SPICE1: variants seen among roughly 807,000 people sequenced by gnomAD.
SPICE1 encodes spindle and centriole associated protein 1.
SPICE1 carries 75 observed loss-of-function variants against 102.7 expected under a neutral mutation model. The observed-to-expected ratio is 0.73, with a 90% CI of 0.61 to 0.88. SPICE1 has a LOEUF of 0.88. Among genes scored for constraint, SPICE1 ranks in the 40% least tolerant of loss-of-function variants. The probability of loss-of-function intolerance (pLI) is 0.00; values close to 1 mark genes in which losing one functional copy is unlikely to be tolerated. For synonymous variants in SPICE1, 308 were observed against 350.3 expected, an observed-to-expected ratio of 0.88 and a Z score of 1.35; for missense variants, 979 against 1,020.1, an observed-to-expected ratio of 0.96 and a Z score of 0.55.
At chr3:113,496,135 ATTC>A (rs772286661) in intron 4 of SPICE1, among the ~76,000 whole-genome samples, 1 of 139,480 alleles carries the variant, frequency 7.2e-6, no homozygotes, top group African/African-American at 2.7e-5. Context: ...GCCCAAGACA[ATTC>A]TTCTTCTTCC....
At chr3:113,506,959 A>G (rs895566075) in intron 1 of SPICE1, among the ~76,000 whole-genome samples, 7 of 152,210 alleles carry the variant, frequency 4.6e-5, no homozygotes, top group African/African-American at 1.7e-4. Context: ...GCCCAGTCAC[A>G]AGCTAACAAT....
intron 1 of SPICE1, 87 bp downstream of exon 1, chr3:113,514,810 A>C: frequency 7.9e-7 from 1 of 1,263,900 alleles, no homozygotes; most frequent in Non-Finnish European, 1.0e-6. Context: ...CTCTGTGCAA[A>C]AGCTCCCGAA....
Position 113,491,948 on chromosome 3 carries a change from G to A in SPICE1, c.492+1258C>T, listed in dbSNP as rs544305123. 3.3e-5 allele frequency among the ~76,000 whole-genome samples: 5 copies of A among 152,298 alleles called. No individual in the cohort carries two copies. In the South Asian group the frequency reaches 1.0e-3, roughly 32 times the overall value. On this transcript the variant is annotated intron_variant, in intron 6 of 17. Coordinates refer to ENST00000295872, the MANE Select transcript of SPICE1 (RefSeq NM_144718.4). Reference sequence around the variant, plus strand: ...ATAAAATCTGACTGCTTTATTCCATGTTGCTGGGATACATCGTGTACTTGT... The same window carrying A: ...ATAAAATCTGACTGCTTTATTCCATATTGCTGGGATACATCGTGTACTTGT...
intron 1 of SPICE1, among the ~76,000 whole-genome samples, chr3:113,506,952 C>T (rs1055577445): frequency 6.6e-6 from 1 of 152,108 alleles, no homozygotes; most frequent in African/African-American, 2.4e-5. Context: ...GAAAATAGCC[C>T]AGTCACAAGC....
At chr3:113,485,182 T>G (rs1185545826) in intron 7 of SPICE1, among the ~76,000 whole-genome samples, 4 of 151,462 alleles carry the variant, frequency 2.6e-5, no homozygotes, top group African/African-American at 9.7e-5. Flanking sequence ...GTTTGTTTTT[T>G]TTTTTTTTTC....
At chr3:113,474,194 C>T (rs1323086336) in intron 7 of SPICE1, among the ~76,000 whole-genome samples, 2 of 151,564 alleles carry the variant, frequency 1.3e-5, no homozygotes, top group African/African-American at 4.9e-5. Context: ...CAAAGAAGGC[C>T]ATTACATAAT....
intron 12 of SPICE1, 123 bp from the exon 13 acceptor site, chr3:113,457,480 T>C (rs943911204): frequency 1.1e-6 from 1 of 924,126 alleles, no homozygotes; most frequent in Non-Finnish European, 1.6e-6. Context: ...ACATAGCTCC[T>C]GGAGCCTTCA....
chr3:113,468,515 C>T lies in SPICE1; in HGVS notation c.890-111G>A, dbSNP rs1020684123. ...ACAATTTATAAAAGGCTTGTATAGA[C>T]GATATCACCATTTCTCTCATAAAAA... On this transcript the variant is annotated intron_variant, in intron 9 of 17. Coordinates refer to ENST00000295872, the MANE Select transcript of SPICE1 (RefSeq NM_144718.4). 34 of 1,266,118 alleles carry T rather than the reference C, an allele frequency of 2.7e-5. No homozygotes were observed. In the Middle Eastern group the frequency reaches 9.2e-4, roughly 34 times the overall value. The allele number at this position is 1,266,118 out of a possible 1,614,324, so 78.4% of individuals were successfully genotyped here.
At chr3:113,449,734 C>CA (rs1453731871) in intron 15 of SPICE1, 3 of 152,252 alleles carry the variant, frequency 2.0e-5, no homozygotes, top group African/African-American at 7.2e-5. Context: ...TTTACTGGGC[C>CA]AAAATCAATC....
intron 7 of SPICE1, among the ~76,000 whole-genome samples, chr3:113,477,769 C>T (rs1250975110): frequency 3.1e-5 from 4 of 129,126 alleles, no homozygotes; most frequent in Non-Finnish European, 4.6e-5. Context: ...GGGAACATCA[C>T]ACTCTGGGAA....
intron 2 of SPICE1, among the ~76,000 whole-genome samples, chr3:113,504,095 A>C (rs1384314621): frequency 2.0e-5 from 3 of 152,136 alleles, no homozygotes; most frequent in African/African-American, 4.8e-5. Context: ...AAAAGGCACT[A>C]AACTATCATG....
At chr3:113,488,143 T>A (rs1423892930) in intron 7 of SPICE1, among the ~76,000 whole-genome samples, 2 of 152,226 alleles carry the variant, frequency 1.3e-5, no homozygotes, top group South Asian at 2.1e-4. Flanking sequence ...CTAAATAAGG[T>A]CTATGGATTA....
At chr3:113,495,358 ATTGTT>A (rs1328564696) in intron 4 of SPICE1, among the ~76,000 whole-genome samples, 1 of 152,214 alleles carries the variant, frequency 6.6e-6, no homozygotes, top group Non-Finnish European at 1.5e-5. Context: ...GACCTCAGTT[ATTGTT>A]TTAAGACACA....
Position 113,457,350 on chromosome 3 carries a change from T to C in SPICE1, c.1443A>G (p.Pro481=), listed in dbSNP as rs756013988. The C allele has an allele frequency of 6.8e-6, 11 of 1,614,028 alleles. No homozygotes were observed. The highest frequency in any genetic ancestry group is 4.0e-5 in the African/African-American group (3 of 74,924). ...GRRVMDSPER[P]VVNANVSVPL... ...GCACTGAGACATTGGCATTTACAACTGGACGCTCTGAAGAAGATGAGAGGA... is the reference window on the plus strand; with the variant it reads ...GCACTGAGACATTGGCATTTACAACCGGACGCTCTGAAGAAGATGAGAGGA... The change falls in exon 13 of 18, where the codon CCA becomes CCG. Residue 481 remains proline, a synonymous_variant. Transcript: ENST00000295872.
chr3:113,506,260 T>G (rs1388707540), intron 2 of SPICE1, among the ~76,000 whole-genome samples: 1 of 152,154 alleles, frequency 6.6e-6, no homozygotes, highest in Non-Finnish European at 1.5e-5. Flanking sequence ...ATGCTCCCCA[T>G]CCCCTTAGGA....
At chr3:113,463,634 A>C (rs905683827) in intron 11 of SPICE1, among the ~76,000 whole-genome samples, 1 of 152,268 alleles carries the variant, frequency 6.6e-6, no homozygotes, top group African/African-American at 2.4e-5. Context: ...AACCTTAAAC[A>C]TTATACTAAG....
chr3:113,477,678 T>C (rs9844447), intron 7 of SPICE1, among the ~76,000 whole-genome samples: 29,305 of 151,012 alleles, frequency 0.19, 2,968 homozygotes, highest in African/African-American at 0.25. Context: ...CAGTAAACTA[T>C]TGCAAGGACA....
intron 15 of SPICE1, chr3:113,449,600 C>T (rs931152594): frequency 2.0e-5 from 3 of 152,128 alleles, no homozygotes; most frequent in African/African-American, 7.2e-5. Context: ...TTAAAGGTAA[C>T]CTACTTCAAC....
chr3:113,491,550 G>A lies in SPICE1; in HGVS notation c.492+1656C>T, dbSNP rs570651586. ...TGAGGCAGCAGAATGGCGTGAATCC[G>A]GGAGGCACAGCTTGCAGTGAGCCAA... On this transcript the variant is annotated intron_variant, in intron 6 of 17. Coordinates refer to ENST00000295872, the MANE Select transcript of SPICE1 (RefSeq NM_144718.4). Among the ~76,000 whole-genome samples, 25 of 148,000 alleles carry A rather than the reference G, an allele frequency of 1.7e-4. No individual in the cohort carries two copies. The South Asian group carries it at 4.9e-3, about 29-fold the overall frequency.
Sources: allele counts gnomAD v4.1 joint callset (sites outside exome capture counted in the v4.1 genomes callset), GRCh38; gene constraint gnomAD v4.1.1; transcripts MANE v1.5; gene names NCBI Gene and HGNC (gene_info 2026-07-23, HGNC 2026-07-21).